PCDH15: variants seen among roughly 807,000 people sequenced by gnomAD.
PCDH15 encodes protocadherin-15.
A neutral mutation model predicts 178.5 loss-of-function variants in PCDH15; 129 were observed. The observed-to-expected ratio is 0.72, with a 90% CI of 0.63 to 0.84. The LOEUF (loss-of-function observed/expected upper bound fraction) is 0.84, where lower values mean the gene tolerates loss of function less well. Ranked by LOEUF, PCDH15 falls within the 40% of genes least tolerant of loss-of-function variation. PCDH15 has a pLI of 0.00. For missense variants in PCDH15, 2,230 were observed against 2,099.9 expected, an observed-to-expected ratio of 1.06 and a Z score of -1.21; for synonymous variants, 800 against 732.0, an observed-to-expected ratio of 1.09 and a Z score of -1.50.
chr10:53,971,599 A>T (rs2089692284), intron 21 of PCDH15, among the ~76,000 whole-genome samples: 1 of 152,212 alleles, frequency 6.6e-6, no homozygotes, highest in African/African-American at 2.4e-5. Context: ...GTCTCAGGAT[A>T]CAAAATAAAT....
intron 23 of PCDH15, among the ~76,000 whole-genome samples, chr10:53,943,869 T>A (rs1313924961): frequency 1.3e-5 from 2 of 152,140 alleles, no homozygotes; most frequent in Admixed American, 6.5e-5. Flanking sequence ...ATATCAATTA[T>A]TTTCTATTTT....
intron 37 of PCDH15, chr10:53,808,328 G>GTA (rs780455021): frequency 0.029 from 9,102 of 318,158 alleles, 105 homozygotes; most frequent in African/African-American, 0.054. Flanking sequence ...TAGTGTGTGT[G>GTA]TGTATATATA....
chr10:54,319,964 T>C (rs1402142227), intron 7 of PCDH15, among the ~76,000 whole-genome samples: 1 of 152,088 alleles, frequency 6.6e-6, no homozygotes, highest in Non-Finnish European at 1.5e-5. Flanking sequence ...AATAACTCTG[T>C]GGTTCCAGGA....
intron 15 of PCDH15, among the ~76,000 whole-genome samples, chr10:54,132,489 A>G (rs1268435693): frequency 6.6e-6 from 1 of 152,196 alleles, no homozygotes; most frequent in Non-Finnish European, 1.5e-5. Context: ...ATTCCCCTAC[A>G]CAAGACTGCA....
intron 21 of PCDH15, among the ~76,000 whole-genome samples, chr10:53,989,293 A>G (rs574785628): frequency 2.0e-4 from 31 of 152,282 alleles, no homozygotes; most frequent in African/African-American, 7.5e-4. Context: ...GGTTGAAACA[A>G]ACAAATTTTA....
chr10:55,302,832 C>A (rs1366265682), intron 1 of PCDH15, among the ~76,000 whole-genome samples: 4 of 152,076 alleles, frequency 2.6e-5, no homozygotes, highest in African/African-American at 9.7e-5. Context: ...CATACTAAAT[C>A]TTCAAGCAAA....
At chr10:55,258,397 A>G (rs531081170) in intron 1 of PCDH15, among the ~76,000 whole-genome samples, 24 of 152,304 alleles carry the variant, frequency 1.6e-4, no homozygotes, top group African/African-American at 5.3e-4. Context: ...GCCAGCATAT[A>G]AAGTCCTAGG....
intron 2 of PCDH15, among the ~76,000 whole-genome samples, chr10:55,576,119 C>G (rs966995894): frequency 6.6e-6 from 1 of 152,102 alleles, no homozygotes; most frequent in Non-Finnish European, 1.5e-5. Flanking sequence ...TAACTTTTGA[C>G]TCCCCCGAAA....
At chr10:54,005,704 TG>T (rs759740327) in intron 20 of PCDH15, among the ~76,000 whole-genome samples, 10 of 152,066 alleles carry the variant, frequency 6.6e-5, no homozygotes, top group South Asian at 4.2e-4. Flanking sequence ...CACACACTGA[TG>T]GTGGGAATGC....
intron 3 of PCDH15, among the ~76,000 whole-genome samples, chr10:54,818,703 C>T (rs541874677): frequency 2.6e-5 from 4 of 151,978 alleles, no homozygotes; most frequent in African/African-American, 4.8e-5. Flanking sequence ...TTATTCTAAC[C>T]CCCTCCCCGA....
chr10:54,680,462 T>C (rs1406159436), intron 1 of PCDH15, among the ~76,000 whole-genome samples: 1 of 151,894 alleles, frequency 6.6e-6, no homozygotes, highest in Non-Finnish European at 1.5e-5. Context: ...GGAGCTTTCT[T>C]TTTTTTTAAG....
intron 9 of PCDH15, among the ~76,000 whole-genome samples, chr10:54,230,674 C>A (rs1218743043): frequency 6.6e-6 from 1 of 152,136 alleles, no homozygotes; most frequent in Non-Finnish European, 1.5e-5. Flanking sequence ...ACCAAGGTTT[C>A]TGGCTCTAGT....
chr10:55,369,055 A>G (rs576977525), intron 2 of PCDH15, among the ~76,000 whole-genome samples: 12 of 150,488 alleles, frequency 8.0e-5, no homozygotes, highest in African/African-American at 2.9e-4. Context: ...ACATTGAAAC[A>G]TGATCATAGT....
chr10:54,743,661 G>C (rs1945091294), intron 1 of PCDH15, among the ~76,000 whole-genome samples: 1 of 151,912 alleles, frequency 6.6e-6, no homozygotes, highest in South Asian at 2.1e-4. Flanking sequence ...AGCCAGAGAT[G>C]AATATATAGT....
intron 2 of PCDH15, among the ~76,000 whole-genome samples, chr10:55,604,961 G>T (rs1285221726): frequency 3.3e-5 from 5 of 151,982 alleles, no homozygotes; most frequent in African/African-American, 1.2e-4. Context: ...CCAGGAGCTG[G>T]TTTTTCGAAA....
At chr10:55,402,570 A>T (rs1466329765) in intron 2 of PCDH15, among the ~76,000 whole-genome samples, 1 of 151,958 alleles carries the variant, frequency 6.6e-6, no homozygotes, top group African/African-American at 2.4e-5. Context: ...GAGAATATAC[A>T]ATTTTTGTCT....
intron 18 of PCDH15, among the ~76,000 whole-genome samples, chr10:54,025,633 G>C (rs1277379191): frequency 6.6e-6 from 1 of 151,842 alleles, no homozygotes; most frequent in African/African-American, 2.4e-5. Context: ...TGAGTAGCTG[G>C]GATTACAGGC....
chr10:54,511,272 T>C (rs16906230), intron 3 of PCDH15, among the ~76,000 whole-genome samples: 28,047 of 152,056 alleles, frequency 0.18, 2,850 homozygotes, highest in East Asian at 0.32. Flanking sequence ...AAGTAGTTAG[T>C]AGCATACAGG....
intron 3 of PCDH15, among the ~76,000 whole-genome samples, chr10:54,862,974 T>C (rs375036148): frequency 6.6e-6 from 1 of 152,190 alleles, no homozygotes; most frequent in Admixed American, 6.5e-5. Context: ...AAATTTTATC[T>C]ATTATAGTAA....
Sources: gnomAD v4.1 joint callset for allele counts (sites outside exome capture counted in the v4.1 genomes callset) on GRCh38, gnomAD v4.1.1 for gene constraint, MANE v1.5 for transcripts, NCBI Gene and HGNC (gene_info 2026-07-23, HGNC 2026-07-21) for gene names.